The following PPP1R12B variants were observed in gnomAD, a reference collection of about 807,000 sequenced individuals.
The protein encoded by PPP1R12B is protein phosphatase 1 regulatory subunit 12B, also known as myosin phosphatase target subunit 2.
Under a neutral mutation model 126.1 loss-of-function variants are expected in PPP1R12B, and 76 were observed. The ratio of observed to expected loss-of-function variants is 0.60; its 90% CI spans 0.50 to 0.73. The LOEUF is 0.73. PPP1R12B is among the 30% of genes least tolerant of loss of function. The pLI is 0.00. For missense variants in PPP1R12B, 1,052 were observed against 1,205.1 expected (o/e 0.87, Z 1.88); for synonymous variants, 356 against 434.7 (o/e 0.82, Z 2.25).
chr1:202,439,029 AGTGGGC>A, intron 10 of PPP1R12B: 1 of 1,375,694 alleles, frequency 7.3e-7, no homozygotes, highest in South Asian at 1.2e-5. Context: ...GCCCACTACC[AGTGGGC>A]GGACTTCATC....
chr1:202,538,322 T>C (rs1572434390), intron 18 of PPP1R12B, among the ~76,000 whole-genome samples: 1 of 152,210 alleles, frequency 6.6e-6, no homozygotes, highest in Non-Finnish European at 1.5e-5. Flanking sequence ...CACACTGTAT[T>C]CTGGTTTATG....
intron 1 of PPP1R12B, among the ~76,000 whole-genome samples, chr1:202,378,247 C>CTTTTTT (rs386369339): frequency 2.9e-4 from 27 of 93,308 alleles, no homozygotes; most frequent in South Asian, 4.3e-4. Context: ...TGTCTTCATT[C>CTTTTTT]TTTTTTTTTT....
At chr1:202,511,390 T>C (rs1258993151) in intron 18 of PPP1R12B, among the ~76,000 whole-genome samples, 1 of 151,918 alleles carries the variant, frequency 6.6e-6, no homozygotes, top group East Asian at 1.9e-4. Context: ...CTAATTTTTT[T>C]GTATTTTTAG....
intron 23 of PPP1R12B, among the ~76,000 whole-genome samples, chr1:202,571,444 T>TG (rs1262306122): frequency 8.6e-6 from 1 of 116,130 alleles, no homozygotes; most frequent in Non-Finnish European, 2.0e-5. Flanking sequence ...GGCTGTTTTT[T>TG]GTTTTTTTTT....
chr1:202,426,178 A>G (rs1211578193), intron 4 of PPP1R12B, among the ~76,000 whole-genome samples: 2 of 151,998 alleles, frequency 1.3e-5, no homozygotes, highest in African/African-American at 4.8e-5. Context: ...GGACTCTACT[A>G]CTCTGTCTGT....
intron 1 of PPP1R12B, among the ~76,000 whole-genome samples, chr1:202,358,829 T>A (rs1657612998): frequency 6.6e-6 from 1 of 152,242 alleles, no homozygotes; most frequent in South Asian, 2.1e-4. Flanking sequence ...TATACTTAAA[T>A]GTTATGACAC....
chr1:202,452,091 C>G (rs1199454711), intron 13 of PPP1R12B, among the ~76,000 whole-genome samples: 2 of 151,962 alleles, frequency 1.3e-5, no homozygotes, highest in East Asian at 3.9e-4. Context: ...GAGGCGCTCC[C>G]CACATCTCAG....
intron 18 of PPP1R12B, among the ~76,000 whole-genome samples, chr1:202,523,067 G>A (rs1558329394): frequency 6.6e-6 from 1 of 152,280 alleles, no homozygotes; most frequent in East Asian, 1.9e-4. Context: ...CAGATATATA[G>A]CACACATAGG....
intron 12 of PPP1R12B, among the ~76,000 whole-genome samples, chr1:202,446,213 ACT>A (rs3077313): frequency 0.18 from 11,480 of 64,306 alleles, 938 homozygotes; most frequent in Non-Finnish European, 0.19. Flanking sequence ...ATATTATATT[ACT>A]CTCTCTCTCT....
At chr1:202,417,440 G>A in intron 2 of PPP1R12B, 2 of 981,658 alleles carry the variant, frequency 2.0e-6, no homozygotes, top group Non-Finnish European at 2.4e-6. Context: ...TAGTTGAATG[G>A]GAATATTTAA....
At chr1:202,553,338 T>G (rs1686514022) in intron 18 of PPP1R12B, among the ~76,000 whole-genome samples, 2 of 152,170 alleles carry the variant, frequency 1.3e-5, no homozygotes, top group African/African-American at 4.8e-5. Flanking sequence ...ACAGTTTCTA[T>G]CTAGTTCAGA....
In PPP1R12B at chr1:202,427,136, C is replaced by T; in HGVS notation, c.798C>T (p.Cys266=). Residue 266 remains cysteine, a synonymous_variant, in exon 5 of 24, where the codon TGC becomes TGT. Coordinates refer to ENST00000608999, the MANE Select transcript of PPP1R12B (RefSeq NM_002481.4). The part of the protein sequence containing the change: ...AAAHWGVKEA[C]SILAEALCDM... ...CACACTGGGGAGTGAAGGAGGCTTGCTCCATCCTGGCAGAAGCACTTTGTG... is the reference window on the plus strand; with the variant it reads ...CACACTGGGGAGTGAAGGAGGCTTGTTCCATCCTGGCAGAAGCACTTTGTG... 6.2e-7 allele frequency: 1 copy of T among 1,614,162 alleles called. No homozygotes were observed. The highest frequency in any genetic ancestry group is 8.5e-7 in the Non-Finnish European group (1 of 1,180,038).
At chr1:202,485,583 G>GT (rs1443733246) in intron 13 of PPP1R12B, among the ~76,000 whole-genome samples, 3 of 152,052 alleles carry the variant, frequency 2.0e-5, no homozygotes, top group Non-Finnish European at 4.4e-5. Flanking sequence ...TCCAGCTTAC[G>GT]TTTTTCCCTT....
At chr1:202,543,318 A>G (rs767936371) in intron 18 of PPP1R12B, among the ~76,000 whole-genome samples, 1 of 152,330 alleles carries the variant, frequency 6.6e-6, no homozygotes, top group East Asian at 1.9e-4. Context: ...TCACTCATAT[A>G]TAGAAGATAG....
intron 1 of PPP1R12B, among the ~76,000 whole-genome samples, chr1:202,410,661 G>T (rs1667267659): frequency 6.6e-6 from 1 of 152,196 alleles, no homozygotes; most frequent in South Asian, 2.1e-4. Context: ...TGAGATCACA[G>T]TGCTCTTTCC....
intron 1 of PPP1R12B, among the ~76,000 whole-genome samples, chr1:202,390,695 A>G (rs1432523201): frequency 5.6e-5 from 8 of 142,134 alleles, no homozygotes; most frequent in African/African-American, 1.3e-4. Context: ...GGGTTTTGCT[A>G]TGGAGCCCAG....
At position 202,582,980 on chromosome 1, in the gene PPP1R12B, TTCTG is replaced by T. The variant is rs908659304; in HGVS notation, c.*2424_*2427del. The T allele has an allele frequency of 6.6e-6, 1 of 152,184 alleles. No homozygotes were observed. Among genetic ancestry groups the T allele is most frequent in the African/African-American group, 2.4e-5 (1 of 41,442 alleles). The allele number at this position is 152,184 out of a possible 1,614,324, so 9.4% of individuals were successfully genotyped here. ...AACCCCATTTTTAGAGTGTATAAAA[TTCTG>T]TCTTTCATTTCCAACCATTTTTCAA... On this transcript the variant is annotated 3_prime_UTR_variant, in exon 24 of 24. Transcript: ENST00000608999.
chr1:202,536,125 T>G (rs1684500763), intron 18 of PPP1R12B, among the ~76,000 whole-genome samples: 1 of 152,218 alleles, frequency 6.6e-6, no homozygotes, highest in African/African-American at 2.4e-5. Context: ...CTTTCAGAAC[T>G]TCACTTTCTT....
At chr1:202,521,697 G>A (rs961829891) in intron 18 of PPP1R12B, among the ~76,000 whole-genome samples, 9 of 152,092 alleles carry the variant, frequency 5.9e-5, no homozygotes, top group African/African-American at 2.2e-4. Context: ...AAATGAAAGA[G>A]AAAGATGGAC....
Sources: gnomAD v4.1 joint callset for allele counts (sites outside exome capture counted in the v4.1 genomes callset) on GRCh38, gnomAD v4.1.1 for gene constraint, MANE v1.5 for transcripts, NCBI Gene and HGNC (gene_info 2026-07-23, HGNC 2026-07-21) for gene names.